Variants in NAV1 observed in about 807,000 individuals in gnomAD.
The protein encoded by NAV1 is neuron navigator 1, also known as pore membrane and/or filament interacting like protein 3.
A neutral mutation model predicts 175.2 loss-of-function variants in NAV1; 18 were observed. The observed-to-expected ratio is 0.10, with a 90% CI of 0.07 to 0.15. NAV1 has a LOEUF of 0.15. Ranked by LOEUF, NAV1 falls within the 10% of genes least tolerant of loss-of-function variation. The pLI, the probability that NAV1 is intolerant of heterozygous loss-of-function variation, is 1.00. For synonymous variants in NAV1, 897 were observed against 978.7 expected, an observed-to-expected ratio of 0.92 and a Z score of 1.56; for missense variants, 1,731 against 2,436.6, an observed-to-expected ratio of 0.71 and a Z score of 6.10.
At chr1:201,636,299 C>T (rs1668617136) in intron 2 of NAV1, among the ~76,000 whole-genome samples, 1 of 152,164 alleles carries the variant, frequency 6.6e-6, no homozygotes, top group Admixed American at 6.5e-5. Context: ...CCCAAGACCC[C>T]CCAAACCCCT....
intron 1 of NAV1, among the ~76,000 whole-genome samples, chr1:201,587,280 A>G (rs1156584326): frequency 1.3e-5 from 2 of 152,104 alleles, no homozygotes; most frequent in Non-Finnish European, 2.9e-5. Flanking sequence ...AAAAAAACAG[A>G]AACCTTTTAT....
chr1:201,578,379 C>A (rs1431982258), intron 1 of NAV1, among the ~76,000 whole-genome samples: 1 of 152,162 alleles, frequency 6.6e-6, no homozygotes, highest in Admixed American at 6.5e-5. Flanking sequence ...TACCCCTGGG[C>A]TAGGGGTAGG....
chr1:201,613,300 T>TC (rs1232151623), intron 2 of NAV1, among the ~76,000 whole-genome samples: 12 of 143,236 alleles, frequency 8.4e-5, no homozygotes, highest in African/African-American at 1.8e-4. Context: ...TCTCCCCGCC[T>TC]CCCCCCCGCC....
At chr1:201,677,280 C>CG (rs1558058820) in intron 1 of NAV1, among the ~76,000 whole-genome samples, 1 of 148,326 alleles carries the variant, frequency 6.7e-6, no homozygotes, top group Non-Finnish European at 1.5e-5. Context: ...GAATTGCTGG[C>CG]GGCTGGCATC....
In NAV1 at chr1:201,694,566, A is replaced by G. The variant is rs779422848; in HGVS notation, c.758-18251A>G. Among the ~76,000 whole-genome samples, 6 of 152,130 alleles carry G rather than the reference A, an allele frequency of 3.9e-5. No individual in the cohort carries two copies. Among genetic ancestry groups the G allele is most frequent in the Non-Finnish European group, 5.9e-5 (4 of 68,002 alleles). ...GCCCTGGCTGCAGAGGGAGGAGGGT[A>G]AGTCTGGGAAGCTGGCCCCAGTGGG... On this transcript the variant is annotated intron_variant, in intron 1 of 29. Coordinates refer to ENST00000367296, the Ensembl canonical transcript of NAV1. The surrounding 1 kb of genome is among the most constrained non-coding windows in gnomAD (Gnocchi z 4.2).
chr1:201,738,630 G>A (rs1274486384), intron 3 of NAV1, among the ~76,000 whole-genome samples: 1 of 152,124 alleles, frequency 6.6e-6, no homozygotes, highest in Non-Finnish European at 1.5e-5. Context: ...GAGCGAGGAG[G>A]AGGAGTTCAG....
Position 201,725,026 on chromosome 1 carries a change from C to T in NAV1, c.1226+6271C>T, listed in dbSNP as rs148511162. On this transcript the variant is annotated intron_variant, in intron 3 of 29. Coordinates refer to ENST00000367296, the Ensembl canonical transcript of NAV1. ...CAAGCCTTAAAGAGACACTTCCAGC[C>T]TTGCTGACAGGGCCCCAGCCTCTGC... is the stretch of plus-strand genomic sequence containing the variant. The T allele has an allele frequency of 5.9e-3, 899 of 152,432 alleles. 7 individuals are homozygous for T. Among genetic ancestry groups the T allele is most frequent in the Middle Eastern group, 0.041 (12 of 294 alleles). 9.4% of individuals were successfully genotyped at this position (152,432 alleles called of 1,614,324 possible).
At chr1:201,661,350 G>A (rs892716216) in intron 1 of NAV1, among the ~76,000 whole-genome samples, 2 of 152,036 alleles carry the variant, frequency 1.3e-5, no homozygotes, top group African/African-American at 4.8e-5. Context: ...GTCTAGTGTA[G>A]GAAGCAGACC....
intron 1 of NAV1, among the ~76,000 whole-genome samples, chr1:201,708,015 G>T (rs1671741351): frequency 6.6e-6 from 1 of 152,218 alleles, no homozygotes; most frequent in Non-Finnish European, 1.5e-5. Context: ...GGTGAACATT[G>T]AGTAGCTGGG....
At chr1:201,697,429 T>G (rs1047911930) in intron 1 of NAV1, among the ~76,000 whole-genome samples, 7 of 152,212 alleles carry the variant, frequency 4.6e-5, no homozygotes, top group Admixed American at 1.3e-4. Context: ...AGCATCGCCT[T>G]CTGGGCAGCC....
At chr1:201,732,923 T>C (rs1382471539) in intron 3 of NAV1, among the ~76,000 whole-genome samples, 2 of 151,692 alleles carry the variant, frequency 1.3e-5, no homozygotes, top group Non-Finnish European at 2.9e-5. Context: ...ATACAAAAAT[T>C]AGCTGGGCAT....
At chr1:201,770,799 A>G (rs1675524294) in intron 3 of NAV1, among the ~76,000 whole-genome samples, 1 of 152,160 alleles carries the variant, frequency 6.6e-6, no homozygotes, top group African/African-American at 2.4e-5. Context: ...CGTTCTCATG[A>G]GGGCTTCACT....
At chr1:201,652,177 C>T (rs1488460735) in intron 1 of NAV1, among the ~76,000 whole-genome samples, 1 of 150,106 alleles carries the variant, frequency 6.7e-6, no homozygotes, top group Non-Finnish European at 1.5e-5. Flanking sequence ...CTCAGTGGGG[C>T]TCAGTGTCCA....
chr1:201,612,471 A>C (rs1169857777), intron 2 of NAV1, among the ~76,000 whole-genome samples: 3 of 152,146 alleles, frequency 2.0e-5, no homozygotes, highest in Non-Finnish European at 2.9e-5. Context: ...TATAAGAATT[A>C]AAATGAAACG....
chr1:201,703,170 G>T (rs537079048), intron 1 of NAV1, among the ~76,000 whole-genome samples: 1 of 152,270 alleles, frequency 6.6e-6, no homozygotes, highest in Admixed American at 6.5e-5. Flanking sequence ...GACTTCTTTG[G>T]AGCAGGGTGT....
chr1:201,673,556 C>T (rs1309565083), intron 1 of NAV1, among the ~76,000 whole-genome samples: 1 of 152,216 alleles, frequency 6.6e-6, no homozygotes, highest in East Asian at 1.9e-4. Context: ...ATTCTCACCT[C>T]CCCATCCCTC....
chr1:201,719,629 T>C (rs1672287362), intron 3 of NAV1: 2 of 153,984 alleles, frequency 1.3e-5, no homozygotes, highest in African/African-American at 4.8e-5. Flanking sequence ...TGGCCAACTC[T>C]TCCAAGCCCA....
chr1:201,675,996 C>G (rs1211890787), intron 1 of NAV1, among the ~76,000 whole-genome samples: 2 of 152,208 alleles, frequency 1.3e-5, no homozygotes, highest in African/African-American at 2.4e-5. Context: ...ACTTCTAGTT[C>G]AAGAGAGTCT....
intron 1 of NAV1, among the ~76,000 whole-genome samples, chr1:201,655,665 G>A (rs1292394653): frequency 6.6e-6 from 1 of 152,208 alleles, no homozygotes; most frequent in Admixed American, 6.5e-5. Flanking sequence ...CACAGAGATC[G>A]GGGGCAGACT....
Sources: allele counts gnomAD v4.1 joint callset (sites outside exome capture counted in the v4.1 genomes callset), GRCh38; gene constraint gnomAD v4.1.1; non-coding constraint Gnocchi (gnomAD v3.1); transcripts MANE v1.5; gene names NCBI Gene and HGNC (gene_info 2026-07-23, HGNC 2026-07-21).